PFDN5: variants seen among roughly 807,000 people sequenced by gnomAD.
The protein encoded by PFDN5 is prefoldin subunit 5, also known as c-myc binding protein.
In PFDN5, 13 loss-of-function variants were observed where a neutral mutation model predicts 21.5. The observed-to-expected ratio is 0.60, with a 90% CI of 0.39 to 0.96. The LOEUF (loss-of-function observed/expected upper bound fraction) is 0.96. Ranked by LOEUF, PFDN5 falls within the 40% of genes least tolerant of loss-of-function variation. PFDN5 has a pLI of 0.00. For synonymous variants in PFDN5, 84 were observed against 68.9 expected, an observed-to-expected ratio of 1.22 and a Z score of -1.08; for missense variants, 188 against 186.2, an observed-to-expected ratio of 1.01 and a Z score of -0.06.
At chr12:53,296,097 A>T (rs79095106) in intron 2 of PFDN5, 147 bp from the exon 3 acceptor site, 18,452 of 793,110 alleles carry the variant, frequency 0.023, 523 homozygotes, top group African/African-American at 0.099. Context: ...AGAATTGAAA[A>T]GTACAGGACA....
chr12:53,296,336 A>C, intron 3 of PFDN5, 61 bp downstream of exon 3: 3 of 1,295,184 alleles, frequency 2.3e-6, no homozygotes, highest in Non-Finnish European at 3.3e-6. Context: ...ACTCCCCCAA[A>C]AAGCGGGGAG....
intron 1 of PFDN5, 35 bp downstream of exon 1, chr12:53,295,674 T>C: frequency 6.4e-7 from 1 of 1,565,696 alleles, no homozygotes; most frequent in Non-Finnish European, 8.8e-7. Flanking sequence ...TCTTTCCTGC[T>C]CTACATCCCC....
chr12:53,298,031 C>G lies in PFDN5; in HGVS notation c.283-14C>G. 6.3e-7 allele frequency: 1 copy of G among 1,595,758 alleles called. No individual in the cohort carries two copies. Among genetic ancestry groups the G allele is most frequent in the Non-Finnish European group, 8.6e-7 (1 of 1,163,354 alleles). On this transcript the variant is annotated splice_polypyrimidine_tract_variant and intron_variant, in intron 4 of 5. Coordinates refer to ENST00000334478, the MANE Select transcript of PFDN5 (RefSeq NM_002624.4). Reference sequence around the variant, plus strand: ...AGTCTCCTTTTAGCCCCTTATTCACCTCTGATCTTGTAGACAGCTGAGGAT... The same window carrying G: ...AGTCTCCTTTTAGCCCCTTATTCACGTCTGATCTTGTAGACAGCTGAGGAT...
At chr12:53,296,221 GT>G in intron 2 of PFDN5, 22 bp from the exon 3 acceptor site, 1 of 1,607,504 alleles carries the variant, frequency 6.2e-7, no homozygotes, top group South Asian at 1.1e-5. Context: ...TTCCCCAGGT[GT>G]TTGTCTTCAT....
Position 53,298,069 on chromosome 12 carries a change from T to C in PFDN5, c.307T>C (p.Phe103Leu), listed in dbSNP as rs370836866. 2 of 1,613,278 alleles carry C rather than the reference T, an allele frequency of 1.2e-6. No homozygotes were observed. The highest frequency in any genetic ancestry group is 2.7e-5 in the African/African-American group (2 of 74,906). The change falls in exon 5 of 6, where the codon TTC (phenylalanine) becomes CTC (leucine). Residue 103 changes from phenylalanine to leucine, a missense_variant. Transcript: ENST00000334478. ...EKTAEDAKDFFKRKIDFLTKQ... is the reference protein window; with the variant it reads ...EKTAEDAKDFLKRKIDFLTKQ... ...GACAGCTGAGGATGCCAAGGACTTC[T>C]TCAAGAGGAAGATAGATTTTCTAAC... is the stretch of plus-strand genomic sequence containing the variant.
At chr12:53,296,389 G>C in intron 3 of PFDN5, 114 bp downstream of exon 3, 2 of 786,910 alleles carry the variant, frequency 2.5e-6, no homozygotes, top group Non-Finnish European at 4.3e-6. Flanking sequence ...TCCTCACAAT[G>C]ATTTTGAGGA....
At position 53,295,864 on chromosome 12, in the gene PFDN5, T is replaced by C. The variant is rs1319214652; in HGVS notation, c.98T>C (p.Ile33Thr). The C allele has an allele frequency of 1.2e-6, 2 of 1,608,308 alleles. No homozygotes were observed. Among genetic ancestry groups the C allele is most frequent in the African/African-American group, 1.3e-5 (1 of 74,822 alleles). The change falls in exon 2 of 6, where the codon ATT (isoleucine) becomes ACT (threonine). Residue 33 changes from isoleucine (I) to threonine (T), a missense_variant. Ile to Thr is a moderately conservative substitution (Grantham distance 89, BLOSUM62 -1). Transcript: ENST00000334478. Reference sequence around the variant, plus strand: ...GAAGTGGAGTTCTTGTCCACGTCCATTGCTCAGCTCAAAGTGGTACAGACC... The same window carrying C: ...GAAGTGGAGTTCTTGTCCACGTCCACTGCTCAGCTCAAAGTGGTACAGACC... ...DQEVEFLSTS[I>T]AQLKVVQTKY...
chr12:53,295,542 C>G lies in PFDN5; in HGVS notation c.-26C>G, dbSNP rs375481383. 1 of 1,600,162 alleles carries G rather than the reference C, an allele frequency of 6.2e-7. No individual in the cohort carries two copies. Among genetic ancestry groups the G allele is most frequent in the Non-Finnish European group, 8.6e-7 (1 of 1,167,560 alleles). ...AGAGCGTTGCTCGCCGAGAGACTTCCTCTTCGTTAAGTCGGCCTTCCCAAC... is the reference window on the plus strand; with the variant it reads ...AGAGCGTTGCTCGCCGAGAGACTTCGTCTTCGTTAAGTCGGCCTTCCCAAC... On this transcript the variant is annotated 5_prime_UTR_variant, in exon 1 of 6. Coordinates refer to ENST00000334478, the MANE Select transcript of PFDN5 (RefSeq NM_002624.4).
Position 53,298,138 on chromosome 12 carries a change from G to A in PFDN5, c.376G>A (p.Ala126Thr), listed in dbSNP as rs747977606. 5.0e-6 allele frequency: 8 copies of A among 1,607,852 alleles called. No homozygotes were observed. The highest frequency in any genetic ancestry group is 4.5e-5 in the East Asian group (2 of 44,846). The change falls in exon 5 of 6, where the codon GCC becomes ACC. Residue 126 changes from alanine to threonine, a missense_variant. Ala to Thr is a moderately conservative substitution (Grantham distance 58). Transcript: ENST00000334478. ...CCAACCAGCTCTTCAGGAGAAGCAC[G>A]CCATGAAACAGGGTAAGTTTTTCCT... ...KIQPALQEKH[A>T]MKQAVMEMMS... is the part of the protein sequence containing the mutation.
intron 5 of PFDN5, chr12:53,299,003 G>T (rs1944192177): frequency 6.4e-6 from 2 of 312,900 alleles, no homozygotes; most frequent in Admixed American, 9.0e-5. Flanking sequence ...GGGCATGGTG[G>T]TGCATGCCTG....
chr12:53,299,382 G>T lies in PFDN5; in HGVS notation c.*37G>T. 7.4e-7 allele frequency: 1 copy of T among 1,357,782 alleles called. No individual in the cohort carries two copies. Among genetic ancestry groups the T allele is most frequent in the South Asian group, 1.2e-5 (1 of 84,380 alleles). 84.1% of individuals were successfully genotyped at this position (1,357,782 alleles called of 1,614,324 possible). Reference sequence around the variant, plus strand: ...GAAATGGGGCAGAGGGACACCCTTTGGGCGTGGCTTCCTGGTGATGGGAAG... The same window carrying T: ...GAAATGGGGCAGAGGGACACCCTTTTGGCGTGGCTTCCTGGTGATGGGAAG... On this transcript the variant is annotated 3_prime_UTR_variant, in exon 6 of 6. Transcript: ENST00000334478.
chr12:53,297,987 G>GC, intron 4 of PFDN5, 58 bp from the exon 5 acceptor site: 3 of 1,561,812 alleles, frequency 1.9e-6, no homozygotes, highest in Non-Finnish European at 2.6e-6. Flanking sequence ...AAGCTCTAGA[G>GC]CGCAGCATGG....
rs1364836577 is a variant in PFDN5 at position 53,296,796 on chromosome 12, G to GT, written c.207+522dup. Reference sequence around the variant, plus strand: ...GCTAATGTCTTGTGAACACCAAGGAGTATGTATAGTTGAGATGTAATATTT... The same window carrying GT: ...GCTAATGTCTTGTGAACACCAAGGAGTTATGTATAGTTGAGATGTAATATTT... On this transcript the variant is annotated intron_variant, in intron 3 of 5. Transcript: ENST00000334478. 4 of 229,630 alleles carry GT rather than the reference G, an allele frequency of 1.7e-5. No individual in the cohort carries two copies. The Admixed American group carries it at 2.3e-4, about 13-fold the overall frequency. 14.2% of individuals were successfully genotyped at this position (229,630 alleles called of 1,614,324 possible). A position where few individuals can be genotyped will look rare whatever the true frequency, so the allele number is the denominator to read the frequency against.
At position 53,295,840 on chromosome 12, in the gene PFDN5, A is replaced by T; in HGVS notation, c.74A>T (p.Glu25Val). The change falls in exon 2 of 6, where the codon GAA becomes GTA. Residue 25 changes from glutamate (E) to valine (V), a missense_variant and splice_region_variant. Transcript: ENST00000334478. Reference protein sequence around the residue: ...LEMLKNQLDQEVEFLSTSIAQ... With the variant: ...LEMLKNQLDQVVEFLSTSIAQ... ...ACCCGCTATCCCGGTCCTCTGTAGGAAGTGGAGTTCTTGTCCACGTCCATT... is the reference window on the plus strand; with the variant it reads ...ACCCGCTATCCCGGTCCTCTGTAGGTAGTGGAGTTCTTGTCCACGTCCATT... The T allele has an allele frequency of 1.3e-6, 2 of 1,578,738 alleles. No homozygotes were observed. Among genetic ancestry groups the T allele is most frequent in the Non-Finnish European group, 1.7e-6 (2 of 1,147,772 alleles).
chr12:53,296,190 C>G (rs1944147529), intron 2 of PFDN5, 54 bp from the exon 3 acceptor site: 2 of 1,539,046 alleles, frequency 1.3e-6, no homozygotes, highest in African/African-American at 2.7e-5. Flanking sequence ...TCTTTAACGT[C>G]TTACGTTGGA....
At position 53,296,268 on chromosome 12, in the gene PFDN5, C is replaced by T. The variant is rs773397411; in HGVS notation, c.200C>T (p.Thr67Met). The change falls in exon 3 of 6, where the codon ACG becomes ATG. Residue 67 changes from threonine (T) to methionine (M), a missense_variant. Thr to Met is a moderately conservative substitution (Grantham distance 81). Coordinates refer to ENST00000334478, the MANE Select transcript of PFDN5 (RefSeq NM_002624.4). ...NEGKELLVPL[T>M]SSMYVPGKLH... ...GGGAAAGAATTACTCGTCCCACTGA[C>T]GAGTTCTGTATCCTTTCCACAGGAA... The T allele has an allele frequency of 6.8e-6, 11 of 1,607,580 alleles. No homozygotes were observed. In the Admixed American group the frequency reaches 1.2e-4, roughly 17 times the overall value.
chr12:53,296,799 T>G, intron 3 of PFDN5: 1 of 208,858 alleles, frequency 4.8e-6, no homozygotes, highest in Non-Finnish European at 9.7e-6. Context: ...CCAAGGAGTA[T>G]GTATAGTTGA....
intron 3 of PFDN5, chr12:53,296,925 A>G (rs181267301): frequency 1.3e-4 from 20 of 154,572 alleles, no homozygotes; most frequent in Non-Finnish European, 2.3e-4. Flanking sequence ...GAGGATATAG[A>G]AACAGGGAGC....
At position 53,297,967 on chromosome 12, in the gene PFDN5, A is replaced by G. The variant is rs369406237; in HGVS notation, c.282+43A>G. On this transcript the variant is annotated intron_variant, in intron 4 of 5. Coordinates refer to ENST00000334478, the MANE Select transcript of PFDN5 (RefSeq NM_002624.4). Reference sequence around the variant, plus strand: ...GATGCCCCTCTAAACAGGGAAGGGAAATTCAGGGGAAGCTCTAGAGCGCAG... The same window carrying G: ...GATGCCCCTCTAAACAGGGAAGGGAGATTCAGGGGAAGCTCTAGAGCGCAG... The G allele has an allele frequency of 2.5e-6, 4 of 1,575,926 alleles. No individual in the cohort carries two copies. The African/African-American group carries it at 5.4e-5, about 21-fold the overall frequency.
Sources: allele counts gnomAD v4.1 joint callset, GRCh38; gene constraint gnomAD v4.1.1; transcripts MANE v1.5; gene names NCBI Gene and HGNC (gene_info 2026-07-23, HGNC 2026-07-21).